SLC4A4: variants seen among roughly 807,000 people sequenced by gnomAD.
The protein encoded by SLC4A4 is electrogenic sodium bicarbonate cotransporter 1.
A neutral mutation model predicts 111.5 loss-of-function variants in SLC4A4; 27 were observed. The ratio of observed to expected loss-of-function variants is 0.24; its 90% confidence interval spans 0.18 to 0.33. The LOEUF (loss-of-function observed/expected upper bound fraction) is 0.33. SLC4A4 is among the 10% of genes least tolerant of loss of function. The pLI is 1.00. For missense variants in SLC4A4, 909 were observed against 1,315.5 expected (o/e 0.69, Z 4.78); for synonymous variants, 443 against 463.4 (o/e 0.96, Z 0.57).
chr4:71,552,410 G>T (rs1282878779), intron 20 of SLC4A4, among the ~76,000 whole-genome samples: 2 of 151,450 alleles, frequency 1.3e-5, no homozygotes, highest in Non-Finnish European at 3.0e-5. Flanking sequence ...CGATTATTCT[G>T]CTAGAAGGTC....
intron 16 of SLC4A4, among the ~76,000 whole-genome samples, chr4:71,522,018 G>A (rs1732977767): frequency 7.6e-6 from 1 of 132,058 alleles, no homozygotes; most frequent in Admixed American, 7.6e-5. Flanking sequence ...CACTTAAAAT[G>A]AAACAGATTA....
intron 16 of SLC4A4, among the ~76,000 whole-genome samples, chr4:71,531,802 C>G (rs4020560): frequency 7.6e-5 from 8 of 105,244 alleles, no homozygotes; most frequent in Middle Eastern, 5.3e-3. Flanking sequence ...CACACACACA[C>G]ACAGAAAGAG....
chr4:71,551,566 C>T (rs569469920), intron 20 of SLC4A4, among the ~76,000 whole-genome samples: 14 of 151,960 alleles, frequency 9.2e-5, no homozygotes, highest in African/African-American at 3.4e-4. Context: ...AATGACTTAC[C>T]AGGTTACAAA....
At chr4:71,250,877 A>C (rs1392840816) in intron 2 of SLC4A4, among the ~76,000 whole-genome samples, 2 of 152,216 alleles carry the variant, frequency 1.3e-5, no homozygotes, top group Admixed American at 6.5e-5. Flanking sequence ...CACTTCATAC[A>C]AAGTTAAATG....
intron 3 of SLC4A4, among the ~76,000 whole-genome samples, chr4:71,311,888 T>TCTGAGAGAGA (rs1726200091): frequency 6.3e-5 from 2 of 31,502 alleles, no homozygotes; most frequent in African/African-American, 1.4e-4. Flanking sequence ...TGTGCAAGGC[T>TCTGAGAGAGA]GTGAGAGAGA....
chr4:71,292,516 T>C (rs1289191624), intron 3 of SLC4A4, among the ~76,000 whole-genome samples: 1 of 152,220 alleles, frequency 6.6e-6, no homozygotes, highest in Non-Finnish European at 1.5e-5. Flanking sequence ...GTTTCTCTGA[T>C]ATAAAATACA....
intron 3 of SLC4A4, among the ~76,000 whole-genome samples, chr4:71,330,709 G>A (rs967421412): frequency 1.3e-5 from 2 of 152,068 alleles, no homozygotes; most frequent in Non-Finnish European, 2.9e-5. Flanking sequence ...AAAAGCAATG[G>A]CAACAAAAGC....
At chr4:71,345,404 T>C (rs1187091635) in intron 4 of SLC4A4, among the ~76,000 whole-genome samples, 2 of 152,130 alleles carry the variant, frequency 1.3e-5, no homozygotes, top group Non-Finnish European at 1.5e-5. Context: ...AATTTTCAGA[T>C]GGACAGTGCT....
rs546093479 is a variant in SLC4A4, at chr4:71,541,146, A to G, written c.2443-5204A>G. On this transcript the variant is annotated intron_variant, in intron 18 of 25. Transcript: ENST00000264485. Reference sequence around the variant, plus strand: ...TTGGGAGTGGAGATGAGAGCAAAATAGTTCTGGGAGGAGGCTCTGATGTAG... The same window carrying G: ...TTGGGAGTGGAGATGAGAGCAAAATGGTTCTGGGAGGAGGCTCTGATGTAG... Among the ~76,000 whole-genome samples, 7 of 152,256 alleles carry G rather than the reference A, an allele frequency of 4.6e-5. 1 individual carries two copies. The South Asian group carries it at 1.2e-3, about 27-fold the overall frequency.
chr4:71,143,578 G>A (rs182995876), intron 2 of SLC4A4, among the ~76,000 whole-genome samples: 58 of 152,280 alleles, frequency 3.8e-4, no homozygotes, highest in African/African-American at 1.3e-3. Context: ...GTGTAAAAGT[G>A]TTCCCATTTC....
intron 1 of SLC4A4, among the ~76,000 whole-genome samples, chr4:71,211,351 A>T (rs1385398209): frequency 6.6e-6 from 1 of 152,196 alleles, no homozygotes; most frequent in East Asian, 1.9e-4. Flanking sequence ...TTTATTTAAC[A>T]TAGAGAATTT....
upstream of SLC4A4, among the ~76,000 whole-genome samples, chr4:71,183,637 T>C (rs971891430): frequency 6.6e-6 from 1 of 152,236 alleles, no homozygotes; most frequent in Non-Finnish European, 1.5e-5. Context: ...GAACAAAAGT[T>C]GCTTTTTCTC....
At chr4:71,346,996 A>G (rs1219097695) in intron 4 of SLC4A4, among the ~76,000 whole-genome samples, 3 of 152,166 alleles carry the variant, frequency 2.0e-5, no homozygotes, top group Admixed American at 2.0e-4. Context: ...TCCCTTATAA[A>G]TATAGATTTT....
At chr4:71,425,973 T>A (rs1211411144) in intron 7 of SLC4A4, among the ~76,000 whole-genome samples, 1 of 152,064 alleles carries the variant, frequency 6.6e-6, no homozygotes, top group African/African-American at 2.4e-5. Flanking sequence ...CTCTATAGAA[T>A]GTCAATTATC....
intron 1 of SLC4A4, among the ~76,000 whole-genome samples, chr4:71,064,736 G>A (rs1741471931): frequency 6.6e-6 from 1 of 152,088 alleles, no homozygotes; most frequent in Non-Finnish European, 1.5e-5. Flanking sequence ...CAATCTCTGT[G>A]GTTCATGGAC....
At position 71,375,457 on chromosome 4, in the gene SLC4A4, C is replaced by T. The variant is rs541935764; in HGVS notation, c.730+18270C>T. Among the ~76,000 whole-genome samples, 179 of 152,312 alleles carry T rather than the reference C, an allele frequency of 1.2e-3. 1 individual carries two copies. The highest frequency in any genetic ancestry group is 1.7e-3 in the Non-Finnish European group (115 of 68,014). On this transcript the variant is annotated intron_variant, in intron 6 of 25. Coordinates refer to ENST00000264485, the MANE Select transcript of SLC4A4 (RefSeq NM_001098484.3). ...GAATGATTTTTCCACTTGGAATATT[C>T]TTCTTCCTCCTGAAACTTTCTGTTA...
intron 9 of SLC4A4, among the ~76,000 whole-genome samples, chr4:71,448,958 T>C (rs1725512862): frequency 1.3e-5 from 2 of 152,220 alleles, no homozygotes; most frequent in Non-Finnish European, 2.9e-5. Context: ...ATTCATTTTA[T>C]TTTTTGCATT....
chr4:71,542,402 T>C (rs1448441889), intron 18 of SLC4A4, among the ~76,000 whole-genome samples: 1 of 152,104 alleles, frequency 6.6e-6, no homozygotes, highest in Admixed American at 6.6e-5. Flanking sequence ...TCCTTCTAAA[T>C]AGAAATCTGA....
chr4:71,313,985 C>CT (rs1726434840), intron 3 of SLC4A4, among the ~76,000 whole-genome samples: 1 of 152,042 alleles, frequency 6.6e-6, no homozygotes, highest in South Asian at 2.1e-4. Context: ...AACAGGCATC[C>CT]TACAGAATGG....
Sources: allele counts gnomAD v4.1 joint callset (sites outside exome capture counted in the v4.1 genomes callset), GRCh38; gene constraint gnomAD v4.1.1; transcripts MANE v1.5; gene names NCBI Gene and HGNC (gene_info 2026-07-23, HGNC 2026-07-21).